HDLBP: variants seen among roughly 807,000 people sequenced by gnomAD.
HDLBP encodes vigilin.
HDLBP carries 30 observed loss-of-function variants against 137.3 expected under a neutral mutation model. The ratio of observed to expected loss-of-function variants is 0.22; its 90% confidence interval spans 0.16 to 0.30. The LOEUF is 0.30. Ranked by LOEUF, HDLBP falls within the 10% of genes least tolerant of loss-of-function variation. HDLBP has a pLI of 1.00. For synonymous variants in HDLBP, 606 were observed against 596.0 expected (o/e 1.02, Z -0.24); for missense variants, 1,119 against 1,667.3 (o/e 0.67, Z 5.73).
Position 241,230,845 on chromosome 2 carries a change from C to T in HDLBP, c.3388G>A (p.Glu1130Lys). The change falls in exon 25 of 28, where the codon GAG (glutamate) becomes AAG (lysine). Residue 1130 changes from glutamate (E) to lysine (K), a missense_variant. Physicochemically the swap from Glu to Lys is moderately conservative, Grantham distance 56 (BLOSUM62 1). Transcript: ENST00000310931. The surrounding 1 kb of genome is among the most constrained non-coding windows in gnomAD (Gnocchi z 5.0). ...IVGELEQMVS[E>K]DVPLDHRVHA... ...ACGCGGTGGTCCAGCGGGACGTCCT[C>T]AGAAACCATCTGCTCAAGTTCACCC... is the stretch of plus-strand genomic sequence containing the variant. 1.2e-6 allele frequency: 2 copies of T among 1,614,218 alleles called. No individual in the cohort carries two copies. Among genetic ancestry groups the T allele is most frequent in the South Asian group, 1.1e-5 (1 of 91,084 alleles).
chr2:241,276,093 CAG>C (rs1358232414), intron 1 of HDLBP, among the ~76,000 whole-genome samples: 4 of 151,996 alleles, frequency 2.6e-5, no homozygotes, highest in Admixed American at 6.6e-5. Context: ...AAATAAAAGA[CAG>C]AATTAAAATG....
Position 241,252,837 on chromosome 2 carries a change from C to G in HDLBP, c.1372+120G>C, listed in dbSNP as rs944337028. On this transcript the variant is annotated intron_variant, in intron 11 of 27. Transcript: ENST00000310931. Reference sequence around the variant, plus strand: ...GCAGGAGGATGTAAAGTCTGTAACTCCCATTACAGGCAGCAATGGGCCTGG... The same window carrying G: ...GCAGGAGGATGTAAAGTCTGTAACTGCCATTACAGGCAGCAATGGGCCTGG... The G allele has an allele frequency of 7.8e-6, 5 of 636,984 alleles. No homozygotes were observed. In the Admixed American group the frequency reaches 9.1e-5, roughly 12 times the overall value. 39.5% of individuals were successfully genotyped at this position (636,984 alleles called of 1,614,324 possible).
intron 1 of HDLBP, among the ~76,000 whole-genome samples, chr2:241,278,158 G>A (rs1433861347): frequency 6.6e-6 from 1 of 152,160 alleles, no homozygotes; most frequent in African/African-American, 2.4e-5. Flanking sequence ...AACTGACCCA[G>A]AAATAGAAAA....
intron 1 of HDLBP, among the ~76,000 whole-genome samples, chr2:241,286,156 TAAG>T (rs1227111315): frequency 3.3e-5 from 5 of 152,084 alleles, no homozygotes; most frequent in Non-Finnish European, 2.9e-5. Context: ...TTCATTTACA[TAAG>T]AAGAGAGTAT....
intron 1 of HDLBP, among the ~76,000 whole-genome samples, chr2:241,278,684 C>T (rs557955450): frequency 1.7e-4 from 26 of 152,202 alleles, no homozygotes; most frequent in African/African-American, 5.8e-4. Flanking sequence ...AAGAAAGTTA[C>T]CAGAATTGAA....
At chr2:241,290,484 C>T (rs945153887) in intron 1 of HDLBP, among the ~76,000 whole-genome samples, 2 of 152,112 alleles carry the variant, frequency 1.3e-5, no homozygotes, top group African/African-American at 4.8e-5. Flanking sequence ...GCGGCACATG[C>T]CTGTAATCCC....
chr2:241,299,235 C>T (rs2075300418), intron 1 of HDLBP, among the ~76,000 whole-genome samples: 1 of 152,062 alleles, frequency 6.6e-6, no homozygotes, highest in Non-Finnish European at 1.5e-5. Context: ...ACTAAACACC[C>T]TAAGGCCGGG....
chr2:241,257,121 G>GA (rs74475429), intron 5 of HDLBP, among the ~76,000 whole-genome samples: 4,048 of 152,266 alleles, frequency 0.027, 413 homozygotes, highest in Admixed American at 0.18. Flanking sequence ...CAGAAACCCT[G>GA]AAAAAACTAC....
chr2:241,247,562 A>G, intron 14 of HDLBP: 1 of 279,222 alleles, frequency 3.6e-6, no homozygotes, highest in Non-Finnish European at 6.8e-6. Flanking sequence ...ACGGAAATAC[A>G]TGGCTGCCTG....
At chr2:241,250,195 C>G in intron 11 of HDLBP, 4 of 448,790 alleles carry the variant, frequency 8.9e-6, no homozygotes, top group Non-Finnish European at 1.2e-5. Context: ...GGAGGACAGG[C>G]TCTCAGCCTG....
rs1574936764 is a variant in HDLBP at position 241,256,200 on chromosome 2, T to A, written c.857A>T (p.Lys286Met). The change falls in exon 7 of 28, where the codon AAG (lysine) becomes ATG (methionine). Residue 286 changes from lysine to methionine, a missense_variant. Transcript: ENST00000310931. ...ATCGTGTACCTTCTCCTCATAAATC[T>A]TCTTGATGCGAGCCACAGCCTGAGC... ...QLAQAVARIK[K>M]IYEEKKKKTT... 1 of 1,614,108 alleles carries A rather than the reference T, an allele frequency of 6.2e-7. No individual in the cohort carries two copies. The highest frequency in any genetic ancestry group is 2.2e-5 in the East Asian group (1 of 44,882).
At position 241,261,503 on chromosome 2, in the gene HDLBP, A is replaced by G. The variant is rs529237873; in HGVS notation, c.450+1208T>C. ...TGTATCTGGGATTTGTCTGAAGATAATTGAGGAGTAGGAGAGTGTCAGGGG... is the reference window on the plus strand; with the variant it reads ...TGTATCTGGGATTTGTCTGAAGATAGTTGAGGAGTAGGAGAGTGTCAGGGG... On this transcript the variant is annotated intron_variant, in intron 5 of 27. Coordinates refer to ENST00000310931, the MANE Select transcript of HDLBP (RefSeq NM_005336.6). Among the ~76,000 whole-genome samples, 6 of 152,346 alleles carry G rather than the reference A, an allele frequency of 3.9e-5. No individual in the cohort carries two copies. The East Asian group carries it at 1.2e-3, about 29-fold the overall frequency.
chr2:241,246,265 A>C (rs1235068993), intron 16 of HDLBP, among the ~76,000 whole-genome samples: 1 of 148,502 alleles, frequency 6.7e-6, no homozygotes, highest in Non-Finnish European at 1.5e-5. Flanking sequence ...CTGGGGATAG[A>C]AGTGGGGGTG....
intron 1 of HDLBP, among the ~76,000 whole-genome samples, chr2:241,312,310 C>G (rs1026994207): frequency 6.6e-6 from 1 of 152,164 alleles, no homozygotes; most frequent in African/African-American, 2.4e-5. Flanking sequence ...CAACGGTATT[C>G]GAGGAACTTC....
intron 14 of HDLBP, chr2:241,247,364 A>G (rs2071762735): frequency 5.4e-6 from 3 of 558,262 alleles, no homozygotes; most frequent in East Asian, 3.1e-5. Context: ...TTTGGCTAAG[A>G]GAGAGTTCAT....
At chr2:241,287,882 G>A (rs1575026160) in intron 1 of HDLBP, among the ~76,000 whole-genome samples, 2 of 152,354 alleles carry the variant, frequency 1.3e-5, no homozygotes. Context: ...ATGAACAGCT[G>A]GGTAAAAGAT....
At position 241,233,744 on chromosome 2, in the gene HDLBP, C is replaced by G; in HGVS notation, c.3288+76G>C. On this transcript the variant is annotated intron_variant, in intron 24 of 27. Coordinates refer to ENST00000310931, the MANE Select transcript of HDLBP (RefSeq NM_005336.6). This position sits in a 1 kb window ranked among gnomAD's most constrained non-coding sequence, Gnocchi z 4.3. ...CCCTCGAACCCCCATCTAGGCACATCTGGTTACTGCTCCCAAGTCACAGGA... is the reference window on the plus strand; with the variant it reads ...CCCTCGAACCCCCATCTAGGCACATGTGGTTACTGCTCCCAAGTCACAGGA... 6.4e-7 allele frequency: 1 copy of G among 1,561,686 alleles called. No homozygotes were observed. The highest frequency in any genetic ancestry group is 1.1e-5 in the South Asian group (1 of 87,914).
chr2:241,267,123 G>A (rs1311213536), intron 2 of HDLBP, among the ~76,000 whole-genome samples: 1 of 152,078 alleles, frequency 6.6e-6, no homozygotes, highest in African/African-American at 2.4e-5. Flanking sequence ...TAGAACAGGG[G>A]TGGCCAATCT....
rs551748147 is a variant in HDLBP, at chr2:241,245,142, A to G, written c.1950+1610T>C. On this transcript the variant is annotated intron_variant, in intron 16 of 27. Coordinates refer to ENST00000310931, the MANE Select transcript of HDLBP (RefSeq NM_005336.6). Reference sequence around the variant, plus strand: ...AATATAAATATGTGATATATAACATATATAATCACAACTGTAATTAAATGC... The same window carrying G: ...AATATAAATATGTGATATATAACATGTATAATCACAACTGTAATTAAATGC... 2.0e-5 allele frequency among the ~76,000 whole-genome samples: 3 copies of G among 152,274 alleles called. No homozygotes were observed. In the South Asian group the frequency reaches 6.2e-4, roughly 32 times the overall value.
Sources: gnomAD v4.1 joint callset for allele counts (sites outside exome capture counted in the v4.1 genomes callset) on GRCh38, gnomAD v4.1.1 for gene constraint, Gnocchi (gnomAD v3.1) non-coding constraint, MANE v1.5 for transcripts, NCBI Gene and HGNC (gene_info 2026-07-23, HGNC 2026-07-21) for gene names.